DIP2C: variants seen among roughly 807,000 people sequenced by gnomAD.
DIP2C encodes disco-interacting protein 2 homolog C.
A neutral mutation model predicts 192.4 loss-of-function variants in DIP2C; 33 were observed. That is an observed-to-expected ratio of 0.17 (90% confidence interval 0.13 to 0.23). DIP2C has a LOEUF of 0.23. DIP2C is among the 10% of genes least tolerant of loss of function. The pLI is 1.00. For synonymous variants in DIP2C, 979 were observed against 864.1 expected (o/e 1.13, Z -2.33); for missense variants, 1,537 against 2,110.1 (o/e 0.73, Z 5.32).
chr10:366,354 A>G lies in DIP2C; in HGVS notation c.2189T>C (p.Ile730Thr), dbSNP rs1469706641. Reference sequence around the variant, plus strand: ...AACTGCACACACACACAGCTCCCCGATCTCATCCGTTCTGCACAGCTGAGG... The same window carrying G: ...AACTGCACACACACACAGCTCCCCGGTCTCATCCGTTCTGCACAGCTGAGG... Reference protein sequence around the residue: ...GVPQLCRTDEIGELCVCAVAT... With the variant: ...GVPQLCRTDETGELCVCAVAT... The change falls in exon 19 of 37, where the codon ATC becomes ACC. Residue 730 changes from isoleucine to threonine, a missense_variant. Transcript: ENST00000280886. 6.2e-7 allele frequency: 1 copy of G among 1,614,188 alleles called. No homozygotes were observed. The highest frequency in any genetic ancestry group is 8.5e-7 in the Non-Finnish European group (1 of 1,180,036).
chr10:432,823 C>T (rs1161940421), intron 4 of DIP2C, among the ~76,000 whole-genome samples: 1 of 152,142 alleles, frequency 6.6e-6, no homozygotes, highest in Non-Finnish European at 1.5e-5. Context: ...TTGCATCTCA[C>T]AAATTTTAAA....
chr10:477,818 C>G (rs965030518), intron 2 of DIP2C, among the ~76,000 whole-genome samples: 8 of 117,938 alleles, frequency 6.8e-5, no homozygotes. Context: ...AGAAGGAAAA[C>G]AAGAGAGAAG....
chr10:340,741 G>A (rs1411720487), intron 29 of DIP2C: 1 of 457,450 alleles, frequency 2.2e-6, no homozygotes, highest in Admixed American at 2.3e-5. Context: ...TGGGTAGAGT[G>A]CCGCACCCCA....
chr10:378,570 T>TGCAGACATGTGAAC (rs1401906949), intron 17 of DIP2C, among the ~76,000 whole-genome samples: 1 of 140,320 alleles, frequency 7.1e-6, no homozygotes, highest in African/African-American at 2.7e-5. Context: ...AACACAAACA[T>TGCAGACATGTGAAC]GCAGACATGT....
chr10:622,309 AGG>A (rs1853911433), intron 1 of DIP2C, among the ~76,000 whole-genome samples: 1 of 31,600 alleles, frequency 3.2e-5, no homozygotes, highest in African/African-American at 1.4e-4. Flanking sequence ...GAGGGGGGAG[AGG>A]GAAGGGAGGG....
intron 29 of DIP2C, 29 bp from the exon 30 acceptor site, chr10:329,630 GGGAGCTCAGCAAGGCT>G (rs3832678): frequency 0.49 from 774,235 of 1,593,564 alleles, 198,005 homozygotes; most frequent in Non-Finnish European, 0.53. Flanking sequence ...CTGTCAGGGC[GGGAGCTCAGCAAGGCT>G]GGAGCTCAGC....
chr10:548,606 G>A (rs1848427456), intron 1 of DIP2C, among the ~76,000 whole-genome samples: 1 of 149,978 alleles, frequency 6.7e-6, no homozygotes, highest in Non-Finnish European at 1.5e-5. Flanking sequence ...CGTGGCAAGG[G>A]TTATGGGGGT....
At chr10:575,055 C>CT (rs1850067653) in intron 1 of DIP2C, among the ~76,000 whole-genome samples, 1 of 152,148 alleles carries the variant, frequency 6.6e-6, no homozygotes, top group Admixed American at 6.5e-5. Flanking sequence ...ATCAATCAGT[C>CT]TGCTGGTCTT....
At chr10:362,742 T>C (rs1959687947) in intron 21 of DIP2C, 51 bp from the exon 22 acceptor site, 1 of 1,533,956 alleles carries the variant, frequency 6.5e-7, no homozygotes, top group Admixed American at 1.9e-5. Flanking sequence ...GTATAAACAG[T>C]ACGTATTTAT....
intron 17 of DIP2C, among the ~76,000 whole-genome samples, chr10:376,514 G>A (rs1961613682): frequency 2.0e-5 from 3 of 151,840 alleles, no homozygotes; most frequent in African/African-American, 4.8e-5. Flanking sequence ...TGGGAGGGGG[G>A]GTCTTCCCTT....
At chr10:539,561 G>A (rs1206699123) in intron 1 of DIP2C, among the ~76,000 whole-genome samples, 1 of 152,150 alleles carries the variant, frequency 6.6e-6, no homozygotes, top group East Asian at 1.9e-4. Context: ...ACTGTGGAAT[G>A]GCTATAATAG....
At chr10:560,340 C>T (rs1564200490) in intron 1 of DIP2C, among the ~76,000 whole-genome samples, 1 of 151,106 alleles carries the variant, frequency 6.6e-6, no homozygotes, top group African/African-American at 2.4e-5. Context: ...GGCTGGAAGA[C>T]AAAAGCTGCA....
At chr10:538,929 C>T (rs552553375) in intron 1 of DIP2C, among the ~76,000 whole-genome samples, 39 of 151,372 alleles carry the variant, frequency 2.6e-4, no homozygotes, top group Non-Finnish European at 4.4e-4. Flanking sequence ...GCTATATGAA[C>T]CTCAGTTGTG....
intron 1 of DIP2C, among the ~76,000 whole-genome samples, chr10:534,119 G>A (rs538854086): frequency 6.7e-4 from 102 of 152,260 alleles, no homozygotes; most frequent in African/African-American, 2.2e-3. Context: ...AGCAGAGGCC[G>A]CCCCCTGACC....
chr10:366,768 T>C (rs1370540729), intron 18 of DIP2C, among the ~76,000 whole-genome samples: 1 of 152,208 alleles, frequency 6.6e-6, no homozygotes, highest in Non-Finnish European at 1.5e-5. Context: ...GTGGTGCAAC[T>C]TGACCTCTGC....
intron 9 of DIP2C, among the ~76,000 whole-genome samples, chr10:401,337 A>G (rs185375597): frequency 9.2e-5 from 13 of 141,498 alleles, no homozygotes; most frequent in Middle Eastern, 4.3e-3. Context: ...CATGAATCCT[A>G]TGATTTTACA....
At chr10:472,351 A>T in intron 3 of DIP2C, 88 bp downstream of exon 3, 1 of 1,259,312 alleles carries the variant, frequency 7.9e-7, no homozygotes, top group Non-Finnish European at 1.1e-6. Flanking sequence ...CGCCCACTGC[A>T]CTTCTGCCTC....
At chr10:535,711 G>T (rs1376597823) in intron 1 of DIP2C, among the ~76,000 whole-genome samples, 1 of 152,000 alleles carries the variant, frequency 6.6e-6, no homozygotes, top group East Asian at 1.9e-4. Context: ...AACTGTATGT[G>T]GGCTATGGCA....
At chr10:532,058 C>CT (rs1343221041) in intron 1 of DIP2C, among the ~76,000 whole-genome samples, 1 of 152,204 alleles carries the variant, frequency 6.6e-6, no homozygotes, top group Non-Finnish European at 1.5e-5. Context: ...GACGAGTCCC[C>CT]TTTAGTGCCA....
Sources: gnomAD v4.1 joint callset for allele counts (sites outside exome capture counted in the v4.1 genomes callset) on GRCh38, gnomAD v4.1.1 for gene constraint, MANE v1.5 for transcripts, NCBI Gene and HGNC (gene_info 2026-07-23, HGNC 2026-07-21) for gene names.